Variants in DMGDH observed in about 807,000 individuals in gnomAD.
DMGDH encodes dimethylglycine dehydrogenase, mitochondrial.
DMGDH carries 76 observed loss-of-function variants against 95.2 expected under a neutral mutation model. The ratio of observed to expected loss-of-function variants is 0.80; its 90% CI spans 0.66 to 0.97. The LOEUF is 0.97. Ranked by LOEUF, DMGDH falls within the 50% of genes least tolerant of loss-of-function variation. The pLI is 0.00. For synonymous variants in DMGDH, 345 were observed against 377.6 expected (o/e 0.91, Z 1.00); for missense variants, 987 against 1,055.0 (o/e 0.94, Z 0.89).
At position 79,054,324 on chromosome 5, in the gene DMGDH, T is replaced by A; in HGVS notation, c.400A>T (p.Ser134Cys). The change falls in exon 4 of 16, where the codon AGT becomes TGT. Residue 134 changes from serine to cysteine, a missense_variant. By Grantham distance (112) the Ser-to-Cys change is moderately radical (BLOSUM62 -1). Transcript: ENST00000255189. ...GQVVGFHQPG[S>C]IRLATTPVRV... ...ACAGGGGTGGTAGCAAGTCTGATACTACCTGGCTGATGGAATCCCACCACC... is the reference window on the plus strand; with the variant it reads ...ACAGGGGTGGTAGCAAGTCTGATACAACCTGGCTGATGGAATCCCACCACC... 6.2e-7 allele frequency: 1 copy of A among 1,614,108 alleles called. No homozygotes were observed. The highest frequency in any genetic ancestry group is 1.7e-5 in the Admixed American group (1 of 60,012).
intron 5 of DMGDH, among the ~76,000 whole-genome samples, chr5:79,048,908 G>C (rs1754756341): frequency 6.6e-6 from 1 of 152,084 alleles, no homozygotes; most frequent in Admixed American, 6.5e-5. Context: ...TGGTCTAAAT[G>C]AGATAAAGAA....
chr5:79,032,795 C>G lies in DMGDH; in HGVS notation c.1409G>C (p.Arg470Pro). The change falls in exon 9 of 16, where the codon CGA becomes CCA. Residue 470 changes from arginine to proline, a missense_variant. Arg to Pro is a moderately radical substitution (Grantham distance 103). Transcript: ENST00000255189. ...CAGCCTTTGATAGAGCCCACTGACT[C>G]GTTGAGTCGGCCTCCCAGCAAACCG... ...EERFAGRPTQ[R>P]VSGLYQRLES... 1 of 1,614,174 alleles carries G rather than the reference C, an allele frequency of 6.2e-7. No homozygotes were observed. The highest frequency in any genetic ancestry group is 8.5e-7 in the Non-Finnish European group (1 of 1,180,034).
chr5:79,018,615 G>C (rs1753793137), intron 14 of DMGDH, among the ~76,000 whole-genome samples: 1 of 152,052 alleles, frequency 6.6e-6, no homozygotes, highest in Non-Finnish European at 1.5e-5. Flanking sequence ...TTTCACTGCT[G>C]TATCATGTAC....
chr5:79,020,861 G>A lies in DMGDH; in HGVS notation c.2250+3410C>T, dbSNP rs1202790459. ...TTACGTTTAATACTTGAGTCTCTGTGAATCTTCGTGGAGGTTCTCCAGAAA... is the reference window on the plus strand; with the variant it reads ...TTACGTTTAATACTTGAGTCTCTGTAAATCTTCGTGGAGGTTCTCCAGAAA... On this transcript the variant is annotated intron_variant, in intron 14 of 15. Coordinates refer to ENST00000255189, the MANE Select transcript of DMGDH (RefSeq NM_013391.3). The A allele has an allele frequency of 3.0e-6, 3 of 985,268 alleles. No homozygotes were observed. The African/African-American group carries it at 5.2e-5, about 17-fold the overall frequency. The allele number at this position is 985,268 out of a possible 1,614,324, so 61.0% of individuals were successfully genotyped here.
intron 7 of DMGDH, 73 bp from the exon 8 acceptor site, chr5:79,033,481 T>C (rs1561217679): frequency 1.3e-6 from 2 of 1,553,744 alleles, no homozygotes; most frequent in East Asian, 2.2e-5. Context: ...CAAACTATTT[T>C]ATAGGGCTTC....
chr5:79,004,574 C>T (rs3797535), intron 15 of DMGDH, among the ~76,000 whole-genome samples: 10,238 of 152,126 alleles, frequency 0.067, 379 homozygotes, highest in Non-Finnish European at 0.078. Context: ...GAAAAACACA[C>T]CCACACTCAG....
chr5:79,050,268 AAAAAAATATAT>A (rs1159382128), intron 5 of DMGDH, among the ~76,000 whole-genome samples: 2 of 59,324 alleles, frequency 3.4e-5, no homozygotes, highest in African/African-American at 1.6e-4. Flanking sequence ...AAAAAAAAAA[AAAAAAATATAT>A]ATATATATAT....
At position 79,063,798 on chromosome 5, in the gene DMGDH, G is replaced by C; in HGVS notation, c.102-11C>G. On this transcript the variant is annotated splice_polypyrimidine_tract_variant and intron_variant, in intron 1 of 15. Coordinates refer to ENST00000255189, the MANE Select transcript of DMGDH (RefSeq NM_013391.3). The stretch of plus-strand genomic sequence containing the variant: ...GGTGGTTTTTCCTCTCTGGAAGAGG[G>C]AAAGTTAAAATGGGAACTTCAATCG... The C allele has an allele frequency of 6.2e-7, 1 of 1,614,048 alleles. No homozygotes were observed. Among genetic ancestry groups the C allele is most frequent in the South Asian group, 1.1e-5 (1 of 91,078 alleles).
chr5:79,030,798 A>G (rs1226046664), intron 10 of DMGDH, 35 bp downstream of exon 10: 1 of 1,610,208 alleles, frequency 6.2e-7, no homozygotes, highest in Non-Finnish European at 8.5e-7. Flanking sequence ...AATAGGTCAG[A>G]ATCCTGGACC....
At chr5:79,063,979 C>A in intron 1 of DMGDH, among the ~76,000 whole-genome samples, 192 bp from the exon 2 acceptor site, 1 of 152,088 alleles carries the variant, frequency 6.6e-6, no homozygotes, top group East Asian at 1.9e-4. Context: ...GGTGTTTGAG[C>A]CCCATTCCAT....
chr5:79,051,531 A>G, intron 4 of DMGDH, 40 bp from the exon 5 acceptor site: 2 of 1,543,458 alleles, frequency 1.3e-6, no homozygotes, highest in Non-Finnish European at 1.8e-6. Context: ...AAATATATAT[A>G]TACTTATTAC....
Position 79,032,704 on chromosome 5 carries a change from G to T in DMGDH, c.1500C>A (p.Gly500=), listed in dbSNP as rs112410293. The T allele has an allele frequency of 6.2e-7, 1 of 1,614,114 alleles. No homozygotes were observed. Among genetic ancestry groups the T allele is most frequent in the Non-Finnish European group, 8.5e-7 (1 of 1,180,022 alleles). ...TCTCCCACCTGTACTGAGTGTCCTG[G>T]CCTGGTTTGTAGAACCAGTGCGGCT... The part of the protein sequence containing the change: ...WEQPHWFYKP[G]QDTQYRPSFR... The change falls in exon 9 of 16, where the codon GGC becomes GGA. Residue 500 remains glycine, a synonymous_variant. Transcript: ENST00000255189.
At chr5:79,021,259 C>A in intron 14 of DMGDH, 2 of 1,024,168 alleles carry the variant, frequency 2.0e-6, no homozygotes, top group Non-Finnish European at 1.2e-6. Flanking sequence ...TTCACAATTA[C>A]GGCTAAGAAC....
At chr5:79,059,008 A>C (rs567818950) in intron 2 of DMGDH, among the ~76,000 whole-genome samples, 1 of 152,350 alleles carries the variant, frequency 6.6e-6, no homozygotes, top group Admixed American at 6.5e-5. Flanking sequence ...ATTTACACCC[A>C]ATACAAAGTT....
At chr5:79,032,194 T>C (rs898944905) in intron 9 of DMGDH, among the ~76,000 whole-genome samples, 1 of 152,244 alleles carries the variant, frequency 6.6e-6, no homozygotes, top group Non-Finnish European at 1.5e-5. Context: ...TCGCTTAACC[T>C]GGAATGCTAT....
At chr5:79,003,878 C>T (rs1439337918) in intron 15 of DMGDH, among the ~76,000 whole-genome samples, 2 of 152,004 alleles carry the variant, frequency 1.3e-5, no homozygotes, top group African/African-American at 4.8e-5. Context: ...ACCCGGGAAG[C>T]GGAGGTTGCA....
chr5:79,050,264 AAAAAAAAAAAT>A (rs1389742630), intron 5 of DMGDH, among the ~76,000 whole-genome samples: 126 of 55,636 alleles, frequency 2.3e-3, no homozygotes, highest in African/African-American at 8.4e-3. Context: ...AAAAAAAAAA[AAAAAAAAAAAT>A]ATATATATAT....
At chr5:79,049,539 T>A (rs1473750341) in intron 5 of DMGDH, among the ~76,000 whole-genome samples, 1 of 152,226 alleles carries the variant, frequency 6.6e-6, no homozygotes, top group Admixed American at 6.5e-5. Context: ...GTATTTGCTA[T>A]AATGATGAAA....
chr5:79,012,400 T>C (rs932472298), intron 14 of DMGDH, among the ~76,000 whole-genome samples: 2 of 152,200 alleles, frequency 1.3e-5, no homozygotes, highest in African/African-American at 4.8e-5. Context: ...GGGCTGGTGT[T>C]GAATGCCTGC....
Sources: allele counts gnomAD v4.1 joint callset (sites outside exome capture counted in the v4.1 genomes callset), GRCh38; gene constraint gnomAD v4.1.1; transcripts MANE v1.5; gene names NCBI Gene and HGNC (gene_info 2026-07-23, HGNC 2026-07-21).